Variants in WDR35 observed in about 807,000 individuals in gnomAD.
The protein encoded by WDR35 is WD repeat-containing protein 35.
A neutral mutation model predicts 158.3 loss-of-function variants in WDR35; 118 were observed. The observed-to-expected ratio is 0.75, with a 90% CI of 0.64 to 0.87. The LOEUF (loss-of-function observed/expected upper bound fraction) is 0.87, where lower values mean the gene tolerates loss of function less well. Ranked by LOEUF, WDR35 falls within the 40% of genes least tolerant of loss-of-function variation. WDR35 has a pLI of 0.00. For synonymous variants in WDR35, 448 were observed against 476.1 expected (o/e 0.94, Z 0.77); for missense variants, 1,263 against 1,405.8 (o/e 0.90, Z 1.62).
In WDR35 at chr2:19,935,615, A is replaced by G; in HGVS notation, c.2415-12T>C. ...GTACAGCATTCAACCTACAGAAAGA[A>G]AAAAGGAAAAACTTTTAAAACTAAT... On this transcript the variant is annotated splice_polypyrimidine_tract_variant and intron_variant, in intron 20 of 26. Transcript: ENST00000281405. 6.2e-7 allele frequency: 1 copy of G among 1,609,786 alleles called. No homozygotes were observed. The highest frequency in any genetic ancestry group is 8.5e-7 in the Non-Finnish European group (1 of 1,179,204).
rs1672701129 is a variant in WDR35, at chr2:19,989,972, A to G, written c.24+20T>C. On this transcript the variant is annotated intron_variant, in intron 1 of 26. Coordinates refer to ENST00000281405, the MANE Select transcript of WDR35 (RefSeq NM_020779.4). ...CTGCGGGAATGGCGGAGAAACGAGGACGCCCCCCAGGAAACTCACTTTCTT... is the reference window on the plus strand; with the variant it reads ...CTGCGGGAATGGCGGAGAAACGAGGGCGCCCCCCAGGAAACTCACTTTCTT... The G allele has an allele frequency of 1.2e-6, 2 of 1,613,388 alleles. No individual in the cohort carries two copies. The highest frequency in any genetic ancestry group is 1.7e-5 in the Admixed American group (1 of 59,932).
chr2:19,910,874 T>C lies in WDR35; in HGVS notation c.*2684A>G, dbSNP rs1227744776. ...CAGATCATTAAAACTTTCACAGATA[T>C]AGATACCAAAGAGGCATAAGCTTTT... On this transcript the variant is annotated 3_prime_UTR_variant, in exon 27 of 27. Coordinates refer to ENST00000281405, the MANE Select transcript of WDR35 (RefSeq NM_020779.4). The C allele has an allele frequency of 1.3e-5, 2 of 152,136 alleles. No individual in the cohort carries two copies. The highest frequency in any genetic ancestry group is 4.8e-5 in the African/African-American group (2 of 41,420). The allele number at this position is 152,136 out of a possible 1,614,324, so 9.4% of individuals were successfully genotyped here. A position where few individuals can be genotyped will look rare whatever the true frequency, so the allele number is the denominator to read the frequency against.
Position 19,938,309 on chromosome 2 carries a change from T to A in WDR35, c.2019A>T (p.Lys673Asn). The A allele has an allele frequency of 2.5e-6, 4 of 1,614,092 alleles. No homozygotes were observed. In the South Asian group the frequency reaches 4.4e-5, roughly 18 times the overall value. The change falls in exon 18 of 27, where the codon AAA becomes AAT. Residue 673 changes from lysine to asparagine, a missense_variant. Coordinates refer to ENST00000281405, the MANE Select transcript of WDR35 (RefSeq NM_020779.4). ...SRALIEKVGI[K>N]DASQFIEDNP... is the part of the protein sequence containing the mutation. Reference sequence around the variant, plus strand: ...TGTCCTCTATGAACTGAGATGCATCTTTAATTCCAACCTTCTCAATCAGTG... The same window carrying A: ...TGTCCTCTATGAACTGAGATGCATCATTAATTCCAACCTTCTCAATCAGTG...
chr2:19,945,663 A>T (rs772661738), intron 16 of WDR35, 123 bp downstream of exon 16: 1 of 1,071,716 alleles, frequency 9.3e-7, no homozygotes, highest in Non-Finnish European at 1.4e-6. Flanking sequence ...ATTTTCAGAA[A>T]TTCATGCAGC....
intron 25 of WDR35, among the ~76,000 whole-genome samples, chr2:19,923,173 C>T (rs1422822006): frequency 3.9e-5 from 6 of 152,224 alleles, no homozygotes; most frequent in Non-Finnish European, 8.8e-5. Context: ...TGATTTCCCA[C>T]TTCACACCTC....
At chr2:19,986,248 T>C (rs533930339) in intron 2 of WDR35, among the ~76,000 whole-genome samples, 165 of 152,250 alleles carry the variant, frequency 1.1e-3, no homozygotes, top group African/African-American at 3.7e-3. Context: ...ACACAGTAAA[T>C]AGGAGATACC....
At chr2:19,933,539 T>C (rs1670594277) in intron 21 of WDR35, 28 bp from the exon 22 acceptor site, 1 of 1,572,550 alleles carries the variant, frequency 6.4e-7, no homozygotes, top group African/African-American at 1.3e-5. Flanking sequence ...TACTATCAGA[T>C]TTCACAGACC....
chr2:19,948,660 C>T (rs1671137089), intron 13 of WDR35, among the ~76,000 whole-genome samples: 1 of 152,186 alleles, frequency 6.6e-6, no homozygotes, highest in African/African-American at 2.4e-5. Flanking sequence ...GTCTCTAGGG[C>T]ATTACGCTTA....
At chr2:19,982,420 A>G (rs1317482738) in intron 3 of WDR35, 43 bp downstream of exon 3, 1 of 1,584,158 alleles carries the variant, frequency 6.3e-7, no homozygotes, top group Non-Finnish European at 8.7e-7. Flanking sequence ...CTAAATGCCT[A>G]AATACCACTC....
At chr2:19,970,389 C>T (rs537038334) in intron 8 of WDR35, among the ~76,000 whole-genome samples, 87 of 152,150 alleles carry the variant, frequency 5.7e-4, no homozygotes, top group Non-Finnish European at 1.2e-3. Flanking sequence ...CCACTCTCTA[C>T]AATTACCTTT....
At chr2:19,978,963 G>T in intron 4 of WDR35, 84 bp from the exon 5 acceptor site, 1 of 1,554,040 alleles carries the variant, frequency 6.4e-7, no homozygotes, top group Non-Finnish European at 8.8e-7. Flanking sequence ...ATTCCATAAA[G>T]TACGCCATGG....
At chr2:19,944,740 TACA>T (rs1670993481) in intron 16 of WDR35, among the ~76,000 whole-genome samples, 1 of 152,130 alleles carries the variant, frequency 6.6e-6, no homozygotes. Context: ...GAGAGCACTT[TACA>T]TCAGGGCATT....
intron 2 of WDR35, among the ~76,000 whole-genome samples, chr2:19,986,389 A>C (rs1672566292): frequency 6.6e-6 from 1 of 152,222 alleles, no homozygotes; most frequent in Non-Finnish European, 1.5e-5. Context: ...AAATAGAGCA[A>C]GTGAATAGAG....
chr2:19,952,193 T>C (rs746268861), intron 12 of WDR35, among the ~76,000 whole-genome samples: 1 of 152,290 alleles, frequency 6.6e-6, no homozygotes, highest in Non-Finnish European at 1.5e-5. Flanking sequence ...GAGTCTCCAA[T>C]GTCTATTATT....
intron 16 of WDR35, among the ~76,000 whole-genome samples, chr2:19,945,158 G>C (rs762582286): frequency 2.0e-5 from 3 of 152,016 alleles, no homozygotes; most frequent in Non-Finnish European, 4.4e-5. Context: ...GGAAAATCCA[G>C]AGCATAGAAA....
At position 19,913,677 on chromosome 2, in the gene WDR35, T is replaced by TACTCAGTGATTG. The variant is rs1470655420; in HGVS notation, c.3393_3394insCAATCACTGAGT (p.Ala1131_Thr1132insGlnSerLeuSer). On this transcript the variant is annotated inframe_insertion, in exon 27 of 27. Coordinates refer to ENST00000281405, the MANE Select transcript of WDR35 (RefSeq NM_020779.4). ...TGATACTCAGTGATTGGGCTTCCTG[T>TACTCAGTGATTG]GGCAACGCATGTTGGCAGTTTCCCT... 1 of 1,614,124 alleles carries TACTCAGTGATTG rather than the reference T, an allele frequency of 6.2e-7. No individual in the cohort carries two copies. The highest frequency in any genetic ancestry group is 8.5e-7 in the Non-Finnish European group (1 of 1,179,976).
chr2:19,936,075 C>G (rs1309122837), intron 20 of WDR35, 144 bp downstream of exon 20: 18 of 1,350,052 alleles, frequency 1.3e-5, no homozygotes, highest in Non-Finnish European at 1.8e-5. Context: ...GGATCTCCGG[C>G]TTTCCAAGAT....
chr2:19,978,421 G>A (rs1184169633), intron 5 of WDR35, among the ~76,000 whole-genome samples: 1 of 151,914 alleles, frequency 6.6e-6, no homozygotes, highest in African/African-American at 2.4e-5. Flanking sequence ...CAGACTTTTT[G>A]AAACTAAAGT....
chr2:19,962,206 TC>T (rs1363375562), intron 10 of WDR35: 2 of 1,396,630 alleles, frequency 1.4e-6, no homozygotes, highest in Non-Finnish European at 1.0e-6. Flanking sequence ...TGAAGTCCCC[TC>T]ATATTGCTAC....
Sources: gnomAD v4.1 joint callset for allele counts (sites outside exome capture counted in the v4.1 genomes callset) on GRCh38, gnomAD v4.1.1 for gene constraint, MANE v1.5 for transcripts, NCBI Gene and HGNC (gene_info 2026-07-23, HGNC 2026-07-21) for gene names.